The following SIPA1L3 variants were observed in gnomAD, a reference collection of about 807,000 sequenced individuals.
SIPA1L3 encodes signal-induced proliferation-associated 1-like protein 3.
SIPA1L3 carries 59 observed loss-of-function variants against 150.1 expected under a neutral mutation model. The ratio of observed to expected loss-of-function variants is 0.39; its 90% CI spans 0.32 to 0.49. The LOEUF is 0.49. Ranked by LOEUF, SIPA1L3 falls within the 20% of genes least tolerant of loss-of-function variation. The pLI, the probability that SIPA1L3 is intolerant of heterozygous loss-of-function variation, is 0.86. For missense variants in SIPA1L3, 2,211 were observed against 2,489.5 expected (o/e 0.89, Z 2.38); for synonymous variants, 1,070 against 1,077.6 (o/e 0.99, Z 0.14).
intron 7 of SIPA1L3, chr19:38,109,803 C>T (rs1568554480): frequency 6.0e-6 from 1 of 166,798 alleles, no homozygotes; most frequent in Non-Finnish European, 1.3e-5. Context: ...AAAGCCATCT[C>T]TGCTGAGTGT....
chr19:38,169,063 G>A (rs891608188), intron 15 of SIPA1L3, among the ~76,000 whole-genome samples: 23 of 152,134 alleles, frequency 1.5e-4, no homozygotes, highest in South Asian at 8.3e-4. Context: ...CCTTGGACAA[G>A]TTAAGGAGAA....
At chr19:38,103,295 GTC>G (rs2145863679) in intron 6 of SIPA1L3, among the ~76,000 whole-genome samples, 1 of 152,244 alleles carries the variant, frequency 6.6e-6, no homozygotes, top group Non-Finnish European at 1.5e-5. Flanking sequence ...TGTTGCAGCA[GTC>G]TCTGTGCTTA....
At chr19:38,075,094 G>A (rs548674882) in intron 2 of SIPA1L3, among the ~76,000 whole-genome samples, 134 of 152,332 alleles carry the variant, frequency 8.8e-4, no homozygotes, top group Non-Finnish European at 5.0e-4. Context: ...AACAACATGG[G>A]TTGGAACTGC....
rs373458711 is a variant in SIPA1L3, at chr19:38,141,090, C to T, written c.3144-94C>T. On this transcript the variant is annotated intron_variant, in intron 10 of 21. Transcript: ENST00000222345. ...AAAAAAAAAAAAAAAAAAGCCATCC[C>T]GGTTTATATTGGGCCAGGAAAACCC... The T allele has an allele frequency of 4.7e-5, 52 of 1,110,854 alleles. No individual in the cohort carries two copies. In the Middle Eastern group the frequency reaches 1.6e-3, roughly 34 times the overall value. 68.8% of individuals were successfully genotyped at this position (1,110,854 alleles called of 1,614,324 possible).
intron 2 of SIPA1L3, among the ~76,000 whole-genome samples, chr19:38,065,220 C>T (rs1969544464): frequency 1.3e-5 from 2 of 152,060 alleles, no homozygotes; most frequent in South Asian, 2.1e-4. Context: ...ATTGGCTCTG[C>T]GTGGGAGCCT....
chr19:37,942,504 G>A (rs1261449529), intron 1 of SIPA1L3, among the ~76,000 whole-genome samples: 1 of 142,122 alleles, frequency 7.0e-6, no homozygotes, highest in African/African-American at 2.6e-5. Flanking sequence ...AGTTTGACGT[G>A]TGAAGGAGTG....
At chr19:38,138,022 T>G (rs987518194) in intron 10 of SIPA1L3, among the ~76,000 whole-genome samples, 2 of 151,974 alleles carry the variant, frequency 1.3e-5, no homozygotes, top group Non-Finnish European at 2.9e-5. Flanking sequence ...TCCCAGCTAC[T>G]CAGGAGGCTG....
intron 1 of SIPA1L3, among the ~76,000 whole-genome samples, chr19:37,939,366 C>T (rs1027541728): frequency 6.9e-6 from 1 of 145,406 alleles, no homozygotes; most frequent in Non-Finnish European, 1.5e-5. Flanking sequence ...GCACCATGCA[C>T]TCCAGCCTGG....
At chr19:37,971,786 C>G (rs963858112) in intron 1 of SIPA1L3, among the ~76,000 whole-genome samples, 2 of 151,978 alleles carry the variant, frequency 1.3e-5, no homozygotes, top group African/African-American at 4.8e-5. Flanking sequence ...AGGTTGGTCT[C>G]GAACTCCTGA....
chr19:38,160,077 T>A (rs1372575015), intron 13 of SIPA1L3, among the ~76,000 whole-genome samples: 1 of 152,212 alleles, frequency 6.6e-6, no homozygotes, highest in Admixed American at 6.5e-5. Flanking sequence ...AATGGCGCGA[T>A]CTCGGCTCAC....
intron 1 of SIPA1L3, among the ~76,000 whole-genome samples, chr19:37,944,000 G>A (rs1442753976): frequency 6.6e-6 from 1 of 152,162 alleles, no homozygotes; most frequent in East Asian, 1.9e-4. Flanking sequence ...TGTAGAGAAA[G>A]CATGGGCCGG....
chr19:38,002,477 G>A (rs1042668796), intron 1 of SIPA1L3, among the ~76,000 whole-genome samples: 3 of 152,016 alleles, frequency 2.0e-5, no homozygotes, highest in African/African-American at 7.2e-5. Flanking sequence ...GCTCACACCT[G>A]TAATCCCAGC....
In SIPA1L3 at chr19:38,193,746, C is replaced by T. The variant is rs1311090665; in HGVS notation, c.4806C>T (p.Thr1602=). 6.4e-7 allele frequency: 1 copy of T among 1,573,082 alleles called. No homozygotes were observed. Residue 1602 remains threonine (T), a synonymous_variant, in exon 18 of 22, where the codon ACC becomes ACT. Coordinates refer to ENST00000222345, the MANE Select transcript of SIPA1L3 (RefSeq NM_015073.3). ...HPHPPVGPGA[T]PAAGSGFPEK... is the part of the protein sequence containing the mutation. ...ACCCGCCCGTCGGCCCCGGTGCCACCCCTGCCGCCGGCAGCGGCTTTCCCG... is the reference window on the plus strand; with the variant it reads ...ACCCGCCCGTCGGCCCCGGTGCCACTCCTGCCGCCGGCAGCGGCTTTCCCG...
At chr19:38,158,982 G>A (rs1011608059) in intron 13 of SIPA1L3, among the ~76,000 whole-genome samples, 2 of 152,214 alleles carry the variant, frequency 1.3e-5, no homozygotes, top group Non-Finnish European at 2.9e-5. Flanking sequence ...TTTGAGGCCG[G>A]ATGTGACTGC....
At chr19:38,063,099 T>C (rs961198423) in intron 2 of SIPA1L3, among the ~76,000 whole-genome samples, 2 of 152,210 alleles carry the variant, frequency 1.3e-5, no homozygotes, top group African/African-American at 4.8e-5. Flanking sequence ...GTTTGTGTTA[T>C]GGTGTCATGT....
intron 8 of SIPA1L3, among the ~76,000 whole-genome samples, chr19:38,117,273 C>T (rs1461367541): frequency 6.6e-6 from 1 of 152,174 alleles, no homozygotes; most frequent in Non-Finnish European, 1.5e-5. Context: ...CCGGGCTCTT[C>T]AGGGGCTTCC....
At chr19:38,142,245 ATC>A (rs1039173098) in intron 11 of SIPA1L3, among the ~76,000 whole-genome samples, 6 of 152,102 alleles carry the variant, frequency 3.9e-5, no homozygotes, top group African/African-American at 1.2e-4. Flanking sequence ...AAATGAAGGA[ATC>A]CAACTTGCAG....
intron 9 of SIPA1L3, among the ~76,000 whole-genome samples, chr19:38,121,009 T>G (rs1044136701): frequency 6.6e-6 from 1 of 152,204 alleles, no homozygotes; most frequent in Non-Finnish European, 1.5e-5. Context: ...TTTAGCTTCT[T>G]TGTGATTCAG....
intron 8 of SIPA1L3, 149 bp from the exon 9 acceptor site, chr19:38,119,156 AT>A: frequency 1.3e-6 from 1 of 740,864 alleles, no homozygotes; most frequent in Non-Finnish European, 2.2e-6. Flanking sequence ...TGATTGCACC[AT>A]TGCACTCCAG....
Sources: allele counts gnomAD v4.1 joint callset (sites outside exome capture counted in the v4.1 genomes callset), GRCh38; gene constraint gnomAD v4.1.1; transcripts MANE v1.5; gene names NCBI Gene and HGNC (gene_info 2026-07-23, HGNC 2026-07-21).